The following PCM1 variants were observed in gnomAD, a reference collection of about 807,000 sequenced individuals.
PCM1 encodes the protein pericentriolar material 1.
Under a neutral mutation model 241.9 loss-of-function variants are expected in PCM1, and 157 were observed. The observed-to-expected ratio is 0.65, with a 90% confidence interval of 0.57 to 0.74. The LOEUF is 0.74. Among genes scored for constraint, PCM1 ranks in the 30% least tolerant of loss-of-function variants. The pLI is 0.00. For missense variants in PCM1, 3,478 were observed against 2,360.1 expected (o/e 1.47, Z -9.81); for synonymous variants, 1,085 against 784.9 (o/e 1.38, Z -6.39).
At chr8:17,955,691 T>C (rs1482970712) in intron 10 of PCM1, 38 bp downstream of exon 10, 1 of 1,445,590 alleles carries the variant, frequency 6.9e-7, no homozygotes, top group East Asian at 2.3e-5. Flanking sequence ...TGAAGTTAAA[T>C]AATAGGGATA....
At chr8:17,962,244 A>T in intron 16 of PCM1, 70 bp downstream of exon 16, 2 of 1,359,782 alleles carry the variant, frequency 1.5e-6, no homozygotes, top group Non-Finnish European at 2.0e-6. Flanking sequence ...TCAATAAGGC[A>T]CATCTCAAGA....
At chr8:17,982,681 A>G (rs2081294757) in intron 24 of PCM1, 1 of 152,116 alleles carries the variant, frequency 6.6e-6, no homozygotes, top group African/African-American at 2.4e-5. Flanking sequence ...TTTTTAGTAG[A>G]GACAGGGTTT....
intron 24 of PCM1, among the ~76,000 whole-genome samples, chr8:17,983,032 C>T (rs1564153004): frequency 6.6e-6 from 1 of 152,112 alleles, no homozygotes; most frequent in Non-Finnish European, 1.5e-5. Context: ...CATCGGTCGC[C>T]TTAATATACG....
At chr8:17,946,578 T>C (rs1220733813) in intron 6 of PCM1, among the ~76,000 whole-genome samples, 5 of 151,824 alleles carry the variant, frequency 3.3e-5, no homozygotes, top group African/African-American at 1.2e-4. Context: ...CTCACTGCAA[T>C]CTCTACCTCC....
At chr8:17,958,081 A>T (rs1387576346) in intron 13 of PCM1, among the ~76,000 whole-genome samples, 1 of 152,196 alleles carries the variant, frequency 6.6e-6, no homozygotes, top group African/African-American at 2.4e-5. Context: ...GCTTTATTTT[A>T]TTATAAACAA....
chr8:17,932,565 T>C (rs561310325), intron 2 of PCM1, among the ~76,000 whole-genome samples: 64 of 152,234 alleles, frequency 4.2e-4, no homozygotes, highest in African/African-American at 1.4e-3. Flanking sequence ...TCTCCGGTTT[T>C]ATTTTTTTAA....
chr8:18,001,481 G>T (rs1450044299), intron 29 of PCM1, among the ~76,000 whole-genome samples: 2 of 152,166 alleles, frequency 1.3e-5, no homozygotes, highest in Non-Finnish European at 2.9e-5. Flanking sequence ...CTGGTAAGCA[G>T]TACTATTAAT....
chr8:18,022,779 C>G (rs1025054340), intron 36 of PCM1, among the ~76,000 whole-genome samples: 10 of 152,140 alleles, frequency 6.6e-5, no homozygotes, highest in African/African-American at 2.2e-4. Flanking sequence ...TATTTAAAAT[C>G]AGAACTTCAC....
chr8:17,955,685 G>C lies in PCM1; in HGVS notation c.1472+32G>C, dbSNP rs754957661. On this transcript the variant is annotated intron_variant, in intron 10 of 38. Coordinates refer to ENST00000325083, the MANE Select transcript of PCM1 (RefSeq NM_006197.4). ...CATTTATAATCATTGTTTACATGAA[G>C]TTAAATAATAGGGATAAATTCTGTT... 1.0e-5 allele frequency: 15 copies of C among 1,482,088 alleles called. No homozygotes were observed. The Admixed American group carries it at 2.3e-4, about 23-fold the overall frequency. 91.8% of individuals were successfully genotyped at this position (1,482,088 alleles called of 1,614,324 possible).
chr8:17,940,183 G>A, intron 6 of PCM1: 1 of 1,216,852 alleles, frequency 8.2e-7, no homozygotes, highest in South Asian at 1.3e-5. Flanking sequence ...GGTAATTAAA[G>A]TGCTGGAAAT....
At chr8:17,963,064 A>T (rs1238962899) in intron 16 of PCM1, 37 bp from the exon 17 acceptor site, 2 of 1,503,970 alleles carry the variant, frequency 1.3e-6, no homozygotes, top group African/African-American at 2.8e-5. Flanking sequence ...CAGCAAATCC[A>T]AATATTTATT....
At chr8:17,987,615 C>T (rs2083045257) in intron 26 of PCM1, among the ~76,000 whole-genome samples, 1 of 151,812 alleles carries the variant, frequency 6.6e-6, no homozygotes, top group Non-Finnish European at 1.5e-5. Context: ...AATTAAGTAA[C>T]TAAATCAGTT....
Position 17,960,861 on chromosome 8 carries a change from T to C in PCM1, c.2322+417T>C, listed in dbSNP as rs541095291. On this transcript the variant is annotated intron_variant, in intron 15 of 38. Coordinates refer to ENST00000325083, the MANE Select transcript of PCM1 (RefSeq NM_006197.4). ...GGTGACAGAATTATATCTAGTAATT[T>C]TGTGATTAATGAAGTGGATGAACTA... Among the ~76,000 whole-genome samples the C allele has an allele frequency of 8.2e-4, 125 of 152,194 alleles. 1 individual carries two copies. The highest frequency in any genetic ancestry group is 2.9e-3 in the African/African-American group (119 of 41,516).
chr8:17,946,863 G>GTGTGTC (rs1486348066), intron 6 of PCM1, among the ~76,000 whole-genome samples: 16 of 151,650 alleles, frequency 1.1e-4, no homozygotes, highest in African/African-American at 3.6e-4. Context: ...GTGTGTGTGT[G>GTGTGTC]TGTGTGTGTC....
chr8:17,980,840 G>C, intron 24 of PCM1, 85 bp downstream of exon 24: 2 of 989,418 alleles, frequency 2.0e-6, no homozygotes, highest in Non-Finnish European at 1.5e-6. Flanking sequence ...GTTAAAATTG[G>C]TGTTTCACAC....
In PCM1 at chr8:18,006,456, G is replaced by A. The variant is rs568552181; in HGVS notation, c.4962+59G>A. ...GTACTGTGTGGTAAGGTTTTTTTTCGGGGGGTGGGTGAGGCATTTTCTTGC... is the reference window on the plus strand; with the variant it reads ...GTACTGTGTGGTAAGGTTTTTTTTCAGGGGGTGGGTGAGGCATTTTCTTGC... On this transcript the variant is annotated intron_variant, in intron 30 of 38. Coordinates refer to ENST00000325083, the MANE Select transcript of PCM1 (RefSeq NM_006197.4). 70 of 1,213,052 alleles carry A rather than the reference G, an allele frequency of 5.8e-5. No homozygotes were observed. In the South Asian group the frequency reaches 7.1e-4, roughly 12 times the overall value. The allele number at this position is 1,213,052 out of a possible 1,614,324, so 75.1% of individuals were successfully genotyped here.
In PCM1 at chr8:17,957,347, C is replaced by T. The variant is rs769586224; in HGVS notation, c.1730C>T (p.Thr577Ile). The T allele has an allele frequency of 9.3e-6, 15 of 1,611,202 alleles. No individual in the cohort carries two copies. The highest frequency in any genetic ancestry group is 6.7e-5 in the East Asian group (3 of 44,860). The stretch of plus-strand genomic sequence containing the variant: ...GTTTCTAATAATAGAGATGGGCGAA[C>T]AGTTAATTCTAATTGTGAAATTAAC... The part of the protein sequence containing the change: ...QCVSNNRDGR[T>I]VNSNCEINNR... Residue 577 changes from threonine to isoleucine, a missense_variant, in exon 12 of 39, where the codon ACA becomes ATA. By Grantham distance (89) the Thr-to-Ile change is moderately conservative. Transcript: ENST00000325083.
intron 36 of PCM1, among the ~76,000 whole-genome samples, chr8:18,021,702 T>G (rs2093767842): frequency 6.6e-6 from 1 of 152,180 alleles, no homozygotes; most frequent in African/African-American, 2.4e-5. Flanking sequence ...AATTGTATCT[T>G]GAAACTAAAA....
At position 17,963,246 on chromosome 8, in the gene PCM1, A is replaced by G. The variant is rs781305695; in HGVS notation, c.2609A>G (p.Asp870Gly). Residue 870 changes from aspartate (D) to glycine (G), a missense_variant, in exon 17 of 39, where the codon GAT (aspartate) becomes GGT (glycine). Asp to Gly is a moderately conservative substitution (Grantham distance 94). Coordinates refer to ENST00000325083, the MANE Select transcript of PCM1 (RefSeq NM_006197.4). ...ASPVAVSLRSDGSENLCTPQQ... is the reference protein window; with the variant it reads ...ASPVAVSLRSGGSENLCTPQQ... Reference sequence around the variant, plus strand: ...CCAGTGGCTGTGTCATTGAGAAGTGATGGATCTGAGAACCTATGTACTCCT... The same window carrying G: ...CCAGTGGCTGTGTCATTGAGAAGTGGTGGATCTGAGAACCTATGTACTCCT... 4.3e-6 allele frequency: 7 copies of G among 1,613,324 alleles called. No homozygotes were observed. In the African/African-American group the frequency reaches 8.0e-5, roughly 18 times the overall value.
Sources: allele counts gnomAD v4.1 joint callset (sites outside exome capture counted in the v4.1 genomes callset), GRCh38; gene constraint gnomAD v4.1.1; transcripts MANE v1.5; gene names NCBI Gene and HGNC (gene_info 2026-07-23, HGNC 2026-07-21).